TRDN: variants seen among roughly 807,000 people sequenced by gnomAD.
The protein encoded by TRDN is triadin, also known as triadin in skeletal muscle.
In TRDN, 161 loss-of-function variants were observed where a neutral mutation model predicts 149.7. That is an observed-to-expected ratio of 1.08 (90% CI 0.95 to 1.23). The LOEUF is 1.23. TRDN is among the 50% of genes most tolerant of loss of function. The pLI is 0.00. For synonymous variants in TRDN, 294 were observed against 250.5 expected, an observed-to-expected ratio of 1.17 and a Z score of -1.64; for missense variants, 896 against 823.5, an observed-to-expected ratio of 1.09 and a Z score of -1.08.
chr6:123,303,447 C>T (rs985044019), intron 24 of TRDN, among the ~76,000 whole-genome samples: 1 of 152,022 alleles, frequency 6.6e-6, no homozygotes, highest in African/African-American at 2.4e-5. Context: ...TAAATCTATG[C>T]AACAAACGAC....
intron 21 of TRDN, chr6:123,351,292 G>T (rs1479519408): frequency 2.1e-6 from 2 of 951,528 alleles, no homozygotes; most frequent in Non-Finnish European, 1.3e-6. Context: ...TTTCATGTTT[G>T]CCCTATACAA....
At position 123,355,299 on chromosome 6, in the gene TRDN, C is replaced by G. The variant is rs140985011; in HGVS notation, c.1322-2713G>C. Among the ~76,000 whole-genome samples the G allele has an allele frequency of 2.4e-3, 365 of 151,618 alleles. 2 individuals carry two copies. The highest frequency in any genetic ancestry group is 0.022 in the South Asian group (107 of 4,820). On this transcript the variant is annotated intron_variant, in intron 20 of 40. Coordinates refer to ENST00000334268, the MANE Select transcript of TRDN (RefSeq NM_006073.4). ...AATTAAATTCAATGTATCAATCTTTCCTTTGTAACTAATGCTTTTTGTATT... is the reference window on the plus strand; with the variant it reads ...AATTAAATTCAATGTATCAATCTTTGCTTTGTAACTAATGCTTTTTGTATT...
At chr6:123,559,815 C>T (rs944102669) in intron 2 of TRDN, among the ~76,000 whole-genome samples, 23 of 151,784 alleles carry the variant, frequency 1.5e-4, no homozygotes, top group African/African-American at 5.1e-4. Context: ...TGGTTCCAAA[C>T]CCATATACTC....
At chr6:123,588,704 G>A (rs1259446021) in intron 1 of TRDN, among the ~76,000 whole-genome samples, 2 of 151,990 alleles carry the variant, frequency 1.3e-5, no homozygotes, top group Admixed American at 1.3e-4. Context: ...CCTCTTGAAG[G>A]CCCCTATCTA....
chr6:123,438,551 T>C (rs961639068), intron 11 of TRDN, among the ~76,000 whole-genome samples: 7 of 152,206 alleles, frequency 4.6e-5, no homozygotes, highest in South Asian at 4.1e-4. Flanking sequence ...TTAAAATATA[T>C]ATATATGTGT....
chr6:123,418,202 G>T (rs1773736544), intron 12 of TRDN, among the ~76,000 whole-genome samples: 1 of 152,126 alleles, frequency 6.6e-6, no homozygotes, highest in South Asian at 2.1e-4. Context: ...TGGCAAGGAA[G>T]GGTGGATGTT....
chr6:123,382,085 C>G, intron 15 of TRDN, 33 bp downstream of exon 15: 1 of 1,446,734 alleles, frequency 6.9e-7, no homozygotes, highest in South Asian at 1.4e-5. Context: ...GTTCATCAAA[C>G]ATAAGGCAGA....
At chr6:123,337,574 A>G (rs965273577) in intron 22 of TRDN, 45 bp downstream of exon 22, 4 of 990,650 alleles carry the variant, frequency 4.0e-6, no homozygotes, top group South Asian at 1.9e-5. Flanking sequence ...AATAATATAT[A>G]TTTCCTAATA....
intron 24 of TRDN, among the ~76,000 whole-genome samples, chr6:123,303,450 C>T (rs1419695289): frequency 6.6e-6 from 1 of 152,010 alleles, no homozygotes; most frequent in African/African-American, 2.4e-5. Flanking sequence ...ATCTATGCAA[C>T]AAACGACATG....
At chr6:123,457,491 T>TAA (rs1562324035) in intron 10 of TRDN, 49 of 383,490 alleles carry the variant, frequency 1.3e-4, no homozygotes, top group African/African-American at 1.0e-3. Flanking sequence ...AGATACAAGT[T>TAA]TCTTGTCTAT....
At chr6:123,484,988 C>A (rs1268573781) in intron 9 of TRDN, among the ~76,000 whole-genome samples, 1 of 152,160 alleles carries the variant, frequency 6.6e-6, no homozygotes, top group African/African-American at 2.4e-5. Context: ...GGATCTATTT[C>A]TGTGTGTATT....
chr6:123,633,175 A>G (rs367614303), intron 1 of TRDN, among the ~76,000 whole-genome samples: 146 of 152,180 alleles, frequency 9.6e-4, no homozygotes, highest in African/African-American at 3.3e-3. Context: ...TACTAAGTTA[A>G]TTATATATGG....
rs541685485 is a variant in TRDN at position 123,430,140 on chromosome 6, C to T, written c.1051+7923G>A. Among the ~76,000 whole-genome samples, 29 of 150,860 alleles carry T rather than the reference C, an allele frequency of 1.9e-4. 1 individual carries two copies. Among genetic ancestry groups the T allele is most frequent in the Admixed American group, 6.6e-4 (10 of 15,142 alleles). On this transcript the variant is annotated intron_variant, in intron 12 of 40. Coordinates refer to ENST00000334268, the MANE Select transcript of TRDN (RefSeq NM_006073.4). The stretch of plus-strand genomic sequence containing the variant: ...ACAAAATTAGCCAGGCATGGTGGCA[C>T]GTGCCCATGGTCCCAGCTACACAGG...
chr6:123,454,030 A>G (rs1775952764), intron 10 of TRDN, among the ~76,000 whole-genome samples: 1 of 152,136 alleles, frequency 6.6e-6, no homozygotes, highest in Admixed American at 6.5e-5. Context: ...TAACTCAGGA[A>G]TGGAAAACCA....
chr6:123,444,419 G>C (rs947759331), intron 10 of TRDN, among the ~76,000 whole-genome samples: 1 of 143,646 alleles, frequency 7.0e-6, no homozygotes, highest in Non-Finnish European at 1.5e-5. Flanking sequence ...GGAGATTTTG[G>C]GCTGAGACAA....
At chr6:123,291,499 A>G (rs1778011229) in intron 24 of TRDN, among the ~76,000 whole-genome samples, 1 of 151,860 alleles carries the variant, frequency 6.6e-6, no homozygotes, top group African/African-American at 2.4e-5. Context: ...CGGGAGGCAG[A>G]GCTTGCAGTG....
intron 6 of TRDN, among the ~76,000 whole-genome samples, chr6:123,513,945 A>G (rs1242788495): frequency 6.6e-6 from 1 of 152,186 alleles, no homozygotes; most frequent in African/African-American, 2.4e-5. Flanking sequence ...AATCAGCTGA[A>G]ATCTGGCCCA....
chr6:123,244,675 GA>G (rs557351468), intron 38 of TRDN, among the ~76,000 whole-genome samples: 190 of 152,256 alleles, frequency 1.2e-3, no homozygotes, highest in African/African-American at 4.0e-3. Context: ...CACACTTCAT[GA>G]TATTATCCAG....
At chr6:123,345,674 G>T (rs1036712164) in intron 21 of TRDN, among the ~76,000 whole-genome samples, 11 of 152,036 alleles carry the variant, frequency 7.2e-5, no homozygotes, top group Non-Finnish European at 8.8e-5. Context: ...ACAATACTAA[G>T]TCATTGTATC....
Sources: allele counts gnomAD v4.1 joint callset (sites outside exome capture counted in the v4.1 genomes callset), GRCh38; gene constraint gnomAD v4.1.1; transcripts MANE v1.5; gene names NCBI Gene and HGNC (gene_info 2026-07-23, HGNC 2026-07-21).